MTUS2: variants seen among roughly 807,000 people sequenced by gnomAD.
MTUS2 encodes microtubule-associated tumor suppressor candidate 2.
Under a neutral mutation model 114.1 loss-of-function variants are expected in MTUS2, and 40 were observed. That is an observed-to-expected ratio of 0.35 (90% CI 0.27 to 0.46). The LOEUF is 0.46. Among genes scored for constraint, MTUS2 ranks in the 20% least tolerant of loss-of-function variants. The probability of loss-of-function intolerance (pLI) is 1.00; values close to 1 mark genes in which losing one functional copy is unlikely to be tolerated. For synonymous variants in MTUS2, 688 were observed against 672.0 expected (o/e 1.02, Z -0.37); for missense variants, 1,679 against 1,705.4 (o/e 0.98, Z 0.27).
intron 4 of MTUS2, among the ~76,000 whole-genome samples, chr13:29,098,551 A>G (rs1484544384): frequency 3.9e-5 from 6 of 152,134 alleles, no homozygotes; most frequent in African/African-American, 1.2e-4. Flanking sequence ...GGAAAGGGAA[A>G]CCTAGAAAAC....
At chr13:29,263,646 A>G (rs532796264) in intron 5 of MTUS2, among the ~76,000 whole-genome samples, 1 of 152,274 alleles carries the variant, frequency 6.6e-6, no homozygotes, top group Admixed American at 6.5e-5. Context: ...CAGGCACATC[A>G]CATGGCAGAA....
chr13:29,302,911 A>C (rs1899271392), intron 6 of MTUS2, among the ~76,000 whole-genome samples: 1 of 152,198 alleles, frequency 6.6e-6, no homozygotes, highest in Non-Finnish European at 1.5e-5. Flanking sequence ...GGCTGGCAGT[A>C]GGTCAGTACC....
At chr13:29,053,605 G>A (rs890543711) in intron 4 of MTUS2, among the ~76,000 whole-genome samples, 2 of 152,104 alleles carry the variant, frequency 1.3e-5, no homozygotes, top group African/African-American at 2.4e-5. Context: ...ATATTCATCT[G>A]CTTTTTGATG....
intron 7 of MTUS2, among the ~76,000 whole-genome samples, chr13:29,340,393 A>G (rs1023634766): frequency 6.6e-6 from 1 of 152,196 alleles, no homozygotes; most frequent in Admixed American, 6.5e-5. Flanking sequence ...TGAACACAAT[A>G]CACTTGGATA....
chr13:29,052,319 G>A (rs958747214), intron 4 of MTUS2, among the ~76,000 whole-genome samples: 2 of 151,744 alleles, frequency 1.3e-5, no homozygotes, highest in African/African-American at 4.8e-5. Context: ...CCGTCTCTCT[G>A]AAAATACAAA....
At chr13:29,377,054 T>C (rs1391767037) in intron 8 of MTUS2, among the ~76,000 whole-genome samples, 2 of 152,148 alleles carry the variant, frequency 1.3e-5, no homozygotes, top group African/African-American at 4.8e-5. Flanking sequence ...ACCAAGCAGA[T>C]GTAACAATCC....
intron 5 of MTUS2, among the ~76,000 whole-genome samples, chr13:29,222,424 CA>C (rs1416529548): frequency 6.6e-6 from 1 of 152,120 alleles, no homozygotes. Flanking sequence ...TTAATTTGTG[CA>C]GTTGTTAGGA....
intron 8 of MTUS2, among the ~76,000 whole-genome samples, chr13:29,366,898 C>T (rs1870768340): frequency 6.6e-6 from 1 of 152,172 alleles, no homozygotes; most frequent in African/African-American, 2.4e-5. Flanking sequence ...GGCCTAAAAC[C>T]AGCACCTCAT....
At chr13:29,303,877 C>A (rs113391288) in intron 6 of MTUS2, among the ~76,000 whole-genome samples, 2 of 152,134 alleles carry the variant, frequency 1.3e-5, no homozygotes, top group African/African-American at 4.8e-5. Flanking sequence ...ATGTTAAGGG[C>A]AGCCAGAGAG....
chr13:29,482,976 C>A (rs1881308484), intron 10 of MTUS2, among the ~76,000 whole-genome samples: 1 of 152,138 alleles, frequency 6.6e-6, no homozygotes, highest in Non-Finnish European at 1.5e-5. Flanking sequence ...GTCTAACTAC[C>A]AGATAGAATC....
At chr13:29,478,448 A>C (rs116406745) in intron 9 of MTUS2, among the ~76,000 whole-genome samples, 1 of 152,152 alleles carries the variant, frequency 6.6e-6, no homozygotes, top group African/African-American at 2.4e-5. Context: ...CTGTACTTCT[A>C]TGTTTTCTCT....
chr13:29,238,676 G>A (rs1332631258), intron 5 of MTUS2, among the ~76,000 whole-genome samples: 3 of 152,154 alleles, frequency 2.0e-5, no homozygotes, highest in African/African-American at 7.2e-5. Flanking sequence ...CAGATTAAGG[G>A]TGGATCTGCC....
At chr13:29,174,856 A>G (rs1038060869) in intron 5 of MTUS2, among the ~76,000 whole-genome samples, 4 of 152,236 alleles carry the variant, frequency 2.6e-5, no homozygotes, top group African/African-American at 7.2e-5. Flanking sequence ...TACATTTTAT[A>G]AAGTTTAACT....
At chr13:29,064,661 C>G (rs1709417480) in intron 4 of MTUS2, among the ~76,000 whole-genome samples, 1 of 152,100 alleles carries the variant, frequency 6.6e-6, no homozygotes, top group African/African-American at 2.4e-5. Flanking sequence ...GTTCGGGGTA[C>G]ATGTGCAGGT....
At chr13:29,057,359 T>A (rs1888183667) in intron 4 of MTUS2, among the ~76,000 whole-genome samples, 1 of 152,158 alleles carries the variant, frequency 6.6e-6, no homozygotes, top group African/African-American at 2.4e-5. Flanking sequence ...TTGTTAGTTT[T>A]CTGTCTCAAT....
In MTUS2 at chr13:29,290,753, C is replaced by G. The variant is rs933866417; in HGVS notation, c.2806+8888C>G. 5.3e-5 allele frequency among the ~76,000 whole-genome samples: 8 copies of G among 152,166 alleles called. 1 individual carries two copies. Among genetic ancestry groups the G allele is most frequent in the Admixed American group, 4.6e-4 (7 of 15,280 alleles). ...ATGTTGCCTGTTCAGGGCTCTTCCC[C>G]TTGTAGCTCTGCTCACGAGTTTAGT... On this transcript the variant is annotated intron_variant, in intron 6 of 15. Coordinates refer to ENST00000612955, the MANE Select transcript of MTUS2 (RefSeq NM_001033602.4).
At chr13:28,890,370 GC>G (rs1433038985) in intron 2 of MTUS2, among the ~76,000 whole-genome samples, 1 of 152,130 alleles carries the variant, frequency 6.6e-6, no homozygotes, top group Non-Finnish European at 1.5e-5. Context: ...TGATAATGTT[GC>G]AGCTAGGACT....
intron 2 of MTUS2, among the ~76,000 whole-genome samples, chr13:28,960,163 A>T (rs1368962666): frequency 6.6e-6 from 1 of 152,244 alleles, no homozygotes; most frequent in African/African-American, 2.4e-5. Flanking sequence ...GAAAATGCAA[A>T]TCAAAACCAC....
chr13:28,931,149 G>A (rs898152287), intron 2 of MTUS2, among the ~76,000 whole-genome samples: 1 of 152,170 alleles, frequency 6.6e-6, no homozygotes, highest in African/African-American at 2.4e-5. Context: ...TTGACTTTGG[G>A]CATGGCCCCG....
Sources: allele counts gnomAD v4.1 joint callset (sites outside exome capture counted in the v4.1 genomes callset), GRCh38; gene constraint gnomAD v4.1.1; transcripts MANE v1.5; gene names NCBI Gene and HGNC (gene_info 2026-07-23, HGNC 2026-07-21).